Variants in LRP1B observed in about 807,000 individuals in gnomAD.
LRP1B encodes low-density lipoprotein receptor-related protein 1B.
In LRP1B, 217 loss-of-function variants were observed where a neutral mutation model predicts 556.6. The ratio of observed to expected loss-of-function variants is 0.39; its 90% confidence interval spans 0.35 to 0.44. The LOEUF (loss-of-function observed/expected upper bound fraction) is 0.44. LRP1B is among the 20% of genes least tolerant of loss of function. LRP1B has a pLI of 1.00. For missense variants in LRP1B, 5,053 were observed against 5,620.8 expected (o/e 0.90, Z 3.23); for synonymous variants, 2,047 against 1,865.8 (o/e 1.10, Z -2.50).
At chr2:140,644,994 C>T (rs191223613) in intron 41 of LRP1B, among the ~76,000 whole-genome samples, 2 of 152,148 alleles carry the variant, frequency 1.3e-5, no homozygotes, top group African/African-American at 2.4e-5. Flanking sequence ...ATAAAATCTT[C>T]CTCTTAACTA....
intron 3 of LRP1B, among the ~76,000 whole-genome samples, chr2:141,255,961 A>G (rs1380447922): frequency 2.0e-5 from 3 of 152,012 alleles, no homozygotes; most frequent in Admixed American, 1.3e-4. Flanking sequence ...TTGAGCACAT[A>G]GTCAATGCTA....
intron 43 of LRP1B, among the ~76,000 whole-genome samples, chr2:140,543,288 A>G (rs1054340958): frequency 6.6e-6 from 1 of 152,096 alleles, no homozygotes; most frequent in Non-Finnish European, 1.5e-5. Context: ...ACTTAAAGTA[A>G]TAAAAGGAAG....
intron 7 of LRP1B, among the ~76,000 whole-genome samples, chr2:141,127,304 G>A (rs568074499): frequency 6.6e-6 from 1 of 152,134 alleles, no homozygotes; most frequent in Non-Finnish European, 1.5e-5. Context: ...GTGTAAATTA[G>A]TCCAACCATT....
At chr2:141,914,065 T>C (rs1281116235) in intron 1 of LRP1B, among the ~76,000 whole-genome samples, 1 of 152,064 alleles carries the variant, frequency 6.6e-6, no homozygotes. Flanking sequence ...TCCTTTAACC[T>C]TACCAAGGAG....
intron 1 of LRP1B, among the ~76,000 whole-genome samples, chr2:141,819,436 C>T (rs1438728679): frequency 6.6e-6 from 1 of 152,078 alleles, no homozygotes; most frequent in East Asian, 1.9e-4. Flanking sequence ...TTTGCAATAA[C>T]GTAACACTTC....
intron 52 of LRP1B, among the ~76,000 whole-genome samples, chr2:140,507,318 T>C (rs1379513698): frequency 1.3e-5 from 2 of 152,228 alleles, no homozygotes; most frequent in Admixed American, 6.5e-5. Flanking sequence ...AAAATGTTGT[T>C]TCCTTGTGAA....
chr2:141,973,689 A>G (rs1701806392), intron 1 of LRP1B, among the ~76,000 whole-genome samples: 1 of 151,860 alleles, frequency 6.6e-6, no homozygotes, highest in Admixed American at 6.6e-5. Flanking sequence ...AATTTGAGCA[A>G]AGCGGTATAA....
intron 41 of LRP1B, among the ~76,000 whole-genome samples, chr2:140,610,741 A>T (rs488585): frequency 1.3e-5 from 2 of 151,908 alleles, no homozygotes; most frequent in African/African-American, 4.8e-5. Flanking sequence ...GCCCGCCACC[A>T]TGGCCGGCTA....
Position 141,548,605 on chromosome 2 carries a change from T to A in LRP1B, c.206-68072A>T, listed in dbSNP as rs188681971. ...TTCAGCTCAGTATTTCCAATAAAGA[T>A]CTTTGACCTTGGGTAGGATTTTTTT... On this transcript the variant is annotated intron_variant, in intron 2 of 90. Coordinates refer to ENST00000389484, the MANE Select transcript of LRP1B (RefSeq NM_018557.3). Among the ~76,000 whole-genome samples the A allele has an allele frequency of 4.5e-3, 687 of 152,314 alleles. 1 individual carries two copies. Among genetic ancestry groups the A allele is most frequent in the Non-Finnish European group, 7.8e-3 (534 of 68,028 alleles).
intron 1 of LRP1B, among the ~76,000 whole-genome samples, chr2:142,081,628 G>A (rs1705719989): frequency 6.6e-6 from 1 of 152,074 alleles, no homozygotes; most frequent in South Asian, 2.1e-4. Flanking sequence ...AACAGACTAT[G>A]ACCTATTTTA....
intron 1 of LRP1B, among the ~76,000 whole-genome samples, chr2:141,873,435 T>C (rs2105803041): frequency 6.6e-6 from 1 of 152,114 alleles, no homozygotes; most frequent in Non-Finnish European, 1.5e-5. Flanking sequence ...AAAGCATTGC[T>C]TTGTTGGGAA....
chr2:141,206,347 C>T (rs1682280510), intron 6 of LRP1B, among the ~76,000 whole-genome samples: 1 of 151,846 alleles, frequency 6.6e-6, no homozygotes, highest in Non-Finnish European at 1.5e-5. Context: ...TTTGGAAGGC[C>T]GAGGCGGGCA....
intron 2 of LRP1B, among the ~76,000 whole-genome samples, chr2:141,769,910 G>A (rs767626181): frequency 6.6e-6 from 1 of 152,122 alleles, no homozygotes; most frequent in African/African-American, 2.4e-5. Context: ...TGCTAAGAGA[G>A]GTTAAGTGAA....
At chr2:141,378,551 A>T (rs967882897) in intron 3 of LRP1B, among the ~76,000 whole-genome samples, 3 of 152,140 alleles carry the variant, frequency 2.0e-5, no homozygotes. Flanking sequence ...CTGTTGTACC[A>T]GCTACTCAGG....
intron 1 of LRP1B, among the ~76,000 whole-genome samples, chr2:141,873,353 G>T (rs950011769): frequency 6.6e-6 from 1 of 151,906 alleles, no homozygotes; most frequent in African/African-American, 2.4e-5. Flanking sequence ...CCAGATACTT[G>T]ATTTTGGTTG....
At chr2:141,996,865 AG>A (rs1379154418) in intron 1 of LRP1B, among the ~76,000 whole-genome samples, 2 of 152,216 alleles carry the variant, frequency 1.3e-5, no homozygotes, top group Non-Finnish European at 2.9e-5. Context: ...GTAAATCACA[AG>A]TGAATCCAAC....
intron 2 of LRP1B, among the ~76,000 whole-genome samples, chr2:141,577,965 A>G (rs1686812830): frequency 6.6e-6 from 1 of 152,224 alleles, no homozygotes; most frequent in Non-Finnish European, 1.5e-5. Context: ...TATTCCACAG[A>G]GCCCAGATAT....
At chr2:140,708,242 C>A (rs1221380646) in intron 37 of LRP1B, among the ~76,000 whole-genome samples, 19 of 151,798 alleles carry the variant, frequency 1.3e-4, no homozygotes, top group Admixed American at 1.3e-3. Context: ...TTCCTGTAAA[C>A]AACTTCAGAA....
chr2:142,099,805 GTTCTGT>G, intron 1 of LRP1B, among the ~76,000 whole-genome samples: 1 of 151,954 alleles, frequency 6.6e-6, no homozygotes, highest in East Asian at 1.9e-4. Flanking sequence ...CTCAGAATTA[GTTCTGT>G]TTCTAAATAA....
Sources: gnomAD v4.1 joint callset for allele counts (sites outside exome capture counted in the v4.1 genomes callset) on GRCh38, gnomAD v4.1.1 for gene constraint, MANE v1.5 for transcripts, NCBI Gene and HGNC (gene_info 2026-07-23, HGNC 2026-07-21) for gene names.